The following RIF1 variants were observed in gnomAD, a reference collection of about 807,000 sequenced individuals.
RIF1 encodes replication timing regulatory factor 1.
RIF1 carries 45 observed loss-of-function variants against 247.1 expected under a neutral mutation model. The observed-to-expected ratio is 0.18, with a 90% CI of 0.14 to 0.23. The LOEUF is 0.23. Ranked by LOEUF, RIF1 falls within the 10% of genes least tolerant of loss-of-function variation. The probability of loss-of-function intolerance (pLI) is 1.00; values close to 1 mark genes in which losing one functional copy is unlikely to be tolerated. For synonymous variants in RIF1, 1,087 were observed against 978.8 expected (o/e 1.11, Z -2.06); for missense variants, 2,967 against 2,862.5 (o/e 1.04, Z -0.83).
intron 9 of RIF1, chr2:151,491,530 C>T (rs1057095125): frequency 9.4e-6 from 6 of 635,150 alleles, no homozygotes; most frequent in Non-Finnish European, 1.6e-5. Flanking sequence ...GTAAGTTTTG[C>T]TCACTAGTTA....
chr2:151,427,367 C>G (rs749901533), intron 8 of RIF1, among the ~76,000 whole-genome samples: 4 of 151,638 alleles, frequency 2.6e-5, no homozygotes, highest in African/African-American at 9.7e-5. Flanking sequence ...TGTGCCACCA[C>G]GCCTGGCTGA....
At chr2:151,498,156 A>G (rs960600951) in intron 10 of RIF1, 12 of 1,536,024 alleles carry the variant, frequency 7.8e-6, no homozygotes, top group Non-Finnish European at 8.8e-6. Context: ...AAGATGTATT[A>G]GAAGCAAAGA....
chr2:151,443,283 C>A lies in RIF1; in HGVS notation c.1759C>A (p.Gln587Lys). 1 of 1,598,750 alleles carries A rather than the reference C, an allele frequency of 6.3e-7. No homozygotes were observed. Among genetic ancestry groups the A allele is most frequent in the South Asian group, 1.1e-5 (1 of 90,000 alleles). ...LNGTPALFLI[Q>K]LIFNNFLECG... ...GGGAACTCCAGCTTTGTTCTTAATT[C>A]AATTAATTTTCAACAATTTCTTGGA... Residue 587 changes from glutamine to lysine, a missense_variant, in exon 17 of 36, where the codon CAA becomes AAA. Coordinates refer to ENST00000444746, the MANE Select transcript of RIF1 (RefSeq NM_018151.5).
the RIF1 span, chr2:151,533,354 A>T: frequency 1.2e-6 from 1 of 822,938 alleles, no homozygotes; most frequent in South Asian, 1.6e-5. Flanking sequence ...ATGGGCAGGG[A>T]GTGGAAGAGG....
In RIF1 at chr2:151,416,816, A is replaced by G; in HGVS notation, c.418A>G (p.Ile140Val). 2 of 1,610,894 alleles carry G rather than the reference A, an allele frequency of 1.2e-6. No homozygotes were observed. The highest frequency in any genetic ancestry group is 1.1e-5 in the South Asian group (1 of 90,370). ...SEVVGKMVSSIIDSLEILFNK... is the reference protein window; with the variant it reads ...SEVVGKMVSSVIDSLEILFNK... Reference sequence around the variant, plus strand: ...TTGGTTCGTTTTTTAGGTATCCAGTATAATTGATTCATTAGAAATACTGTT... The same window carrying G: ...TTGGTTCGTTTTTTAGGTATCCAGTGTAATTGATTCATTAGAAATACTGTT... The change falls in exon 6 of 36, where the codon ATA (isoleucine) becomes GTA (valine). Residue 140 changes from isoleucine (I) to valine (V), a missense_variant. Ile to Val is a conservative substitution (Grantham distance 29). Around this residue, in one of 7 missense-constraint regions of RIF1, gnomAD observed 269 missense variants for 288.6 expected, o/e 0.93. Transcript: ENST00000444746.
rs565187631 is a variant in RIF1, at chr2:151,468,833, C to T, written c.6941+77C>T. 433 of 1,045,148 alleles carry T rather than the reference C, an allele frequency of 4.1e-4. 2 individuals carry two copies. The highest frequency in any genetic ancestry group is 2.3e-3 in the South Asian group (172 of 75,722). 64.7% of individuals were successfully genotyped at this position (1,045,148 alleles called of 1,614,324 possible). A position where few individuals can be genotyped will look rare whatever the true frequency, so the allele number is the denominator to read the frequency against. On this transcript the variant is annotated intron_variant, in intron 33 of 35. Transcript: ENST00000444746. ...AGAGGACTTATCTGATTGCTTGGTT[C>T]TCATGTTTAGAATTGATTGGCATGT...
intron 10 of RIF1, among the ~76,000 whole-genome samples, 165 bp downstream of exon 10, chr2:151,433,393 A>G (rs181205084): frequency 6.7e-4 from 102 of 152,320 alleles, no homozygotes; most frequent in Admixed American, 6.2e-3. Flanking sequence ...ATTTCCCACA[A>G]GGGATATTGT....
chr2:151,515,190 C>T, the RIF1 span, among the ~76,000 whole-genome samples: 1 of 152,190 alleles, frequency 6.6e-6, no homozygotes, highest in Non-Finnish European at 1.5e-5. Context: ...GCAGGCCCTT[C>T]ACAGAGTGGA....
At chr2:151,512,776 G>A, downstream of RIF1, 1 of 1,613,876 alleles carries the variant, frequency 6.2e-7, no homozygotes, top group African/African-American at 1.3e-5. Context: ...AATGATCTCT[G>A]GAGTATCAAC....
chr2:151,500,340 A>G (rs2063477454), intron 11 of RIF1, among the ~76,000 whole-genome samples: 1 of 152,046 alleles, frequency 6.6e-6, no homozygotes, highest in South Asian at 2.1e-4. Flanking sequence ...ATCCATCTAA[A>G]TTTTCCTAAT....
chr2:151,422,979 T>A lies in RIF1; in HGVS notation c.723T>A (p.Phe241Leu). ...TAATCTCAGAACTTCAGAAGCTATT[T>A]ATGAGTAAAAATGAGACTTACGTGT... The part of the protein sequence containing the change: ...TKLISELQKL[F>L]MSKNETYVLK... The change falls in exon 8 of 36, where the codon TTT becomes TTA. Residue 241 changes from phenylalanine (F) to leucine (L), a missense_variant. Around this residue, in one of 7 missense-constraint regions of RIF1, gnomAD observed 269 missense variants for 288.6 expected, o/e 0.93. Transcript: ENST00000444746. 1 of 1,590,698 alleles carries A rather than the reference T, an allele frequency of 6.3e-7. No homozygotes were observed. Among genetic ancestry groups the A allele is most frequent in the Non-Finnish European group, 8.6e-7 (1 of 1,161,044 alleles).
At chr2:151,421,947 G>A (rs779837787) in intron 7 of RIF1, among the ~76,000 whole-genome samples, 2 of 151,610 alleles carry the variant, frequency 1.3e-5, no homozygotes, top group Non-Finnish European at 2.9e-5. Context: ...CGATTCTCCT[G>A]CCTCAGCAGG....
chr2:151,427,862 G>T (rs2152275848), intron 8 of RIF1, among the ~76,000 whole-genome samples: 1 of 152,164 alleles, frequency 6.6e-6, no homozygotes, highest in South Asian at 2.1e-4. Flanking sequence ...TTCGAGACCA[G>T]CCTGGCCAAC....
At chr2:151,508,269 C>G (rs1559362364), downstream of RIF1, among the ~76,000 whole-genome samples, 1 of 152,124 alleles carries the variant, frequency 6.6e-6, no homozygotes, top group Non-Finnish European at 1.5e-5. Context: ...AAGGAAGAAC[C>G]CTCTCAGTCA....
In RIF1 at chr2:151,479,862, A is replaced by G. The variant is rs1347842396; in HGVS notation, c.*4791A>G. On this transcript the variant is annotated 3_prime_UTR_variant, in exon 36 of 36. Coordinates refer to ENST00000444746, the MANE Select transcript of RIF1 (RefSeq NM_018151.5). ...TTTATCAAAATTTATTGATAGTTTG[A>G]TCTGTAAAACAAATTGGGTTTCGTG... 6.6e-6 allele frequency: 1 copy of G among 152,194 alleles called. No individual in the cohort carries two copies. The allele number at this position is 152,194 out of a possible 1,614,324, so 9.4% of individuals were successfully genotyped here. A position where few individuals can be genotyped will look rare whatever the true frequency, so the allele number is the denominator to read the frequency against.
Position 151,443,658 on chromosome 2 carries a change from C to T in RIF1, c.1935C>T (p.Leu645=), listed in dbSNP as rs1350491211. The T allele has an allele frequency of 1.9e-6, 3 of 1,611,128 alleles. No individual in the cohort carries two copies. The highest frequency in any genetic ancestry group is 2.5e-6 in the Non-Finnish European group (3 of 1,179,110). Residue 645 remains leucine (L), a synonymous_variant, in exon 18 of 36, where the codon CTC becomes CTT. Coordinates refer to ENST00000444746, the MANE Select transcript of RIF1 (RefSeq NM_018151.5). ...NAKQLENKEH[L]WKMWSVIVTP... ...AGCAGTTGGAAAATAAGGAGCATCT[C>T]TGGAAAATGTGGAGTGTTATAGTCA...
At chr2:151,485,642 C>G, downstream of RIF1, 1 of 985,338 alleles carries the variant, frequency 1.0e-6, no homozygotes, top group Non-Finnish European at 1.5e-6. Context: ...CCATAAATCA[C>G]ATTGACACAG....
the RIF1 span, among the ~76,000 whole-genome samples, chr2:151,519,225 A>C: frequency 2.6e-5 from 4 of 152,228 alleles, no homozygotes; most frequent in Admixed American, 2.6e-4. Context: ...GAAACAACCC[A>C]AGTGTCTGTC....
chr2:151,530,691 T>G, the RIF1 span: 3 of 251,844 alleles, frequency 1.2e-5, no homozygotes, highest in Non-Finnish European at 2.3e-5. Flanking sequence ...GGTTCCTGTC[T>G]CGTCTACACA....
Sources: allele counts gnomAD v4.1 joint callset (sites outside exome capture counted in the v4.1 genomes callset), GRCh38; gene constraint gnomAD v4.1.1; regional missense constraint gnomAD v4.1.1; transcripts MANE v1.5; gene names NCBI Gene and HGNC (gene_info 2026-07-23, HGNC 2026-07-21).